NRXN3: variants seen among roughly 807,000 people sequenced by gnomAD.
NRXN3 encodes neurexin 3.
In NRXN3, 32 loss-of-function variants were observed where a neutral mutation model predicts 137.6. The observed-to-expected ratio is 0.23, with a 90% confidence interval of 0.18 to 0.31. NRXN3 has a LOEUF of 0.31. NRXN3 is among the 10% of genes least tolerant of loss of function. The probability of loss-of-function intolerance (pLI) is 1.00; values close to 1 mark genes in which losing one functional copy is unlikely to be tolerated. For missense variants in NRXN3, 1,574 were observed against 2,062.5 expected, an observed-to-expected ratio of 0.76 and a Z score of 4.59; for synonymous variants, 798 against 784.5, an observed-to-expected ratio of 1.02 and a Z score of -0.29.
chr14:79,850,801 G>A (rs1039470102), intron 20 of NRXN3, among the ~76,000 whole-genome samples: 2 of 152,118 alleles, frequency 1.3e-5, no homozygotes, highest in Non-Finnish European at 2.9e-5. Context: ...AGCAAGCAAT[G>A]TCATTTTGTA....
intron 11 of NRXN3, among the ~76,000 whole-genome samples, chr14:78,965,011 G>T (rs1255768793): frequency 6.6e-6 from 1 of 152,074 alleles, no homozygotes. Flanking sequence ...AGTCTCAAAG[G>T]ACAGCACAGA....
intron 4 of NRXN3, among the ~76,000 whole-genome samples, chr14:78,513,568 A>G (rs2096149160): frequency 6.6e-6 from 1 of 152,186 alleles, no homozygotes; most frequent in Non-Finnish European, 1.5e-5. Flanking sequence ...CATGCAGTCT[A>G]TTTTGGCAGA....
At chr14:78,730,964 CT>C (rs2098512448) in intron 8 of NRXN3, among the ~76,000 whole-genome samples, 1 of 152,158 alleles carries the variant, frequency 6.6e-6, no homozygotes, top group Non-Finnish European at 1.5e-5. Context: ...AGAATTATTT[CT>C]TTGTAAATTT....
chr14:78,720,080 A>AGAT (rs1372179919), intron 8 of NRXN3, among the ~76,000 whole-genome samples: 1 of 152,040 alleles, frequency 6.6e-6, no homozygotes, highest in East Asian at 1.9e-4. Flanking sequence ...TACATATACT[A>AGAT]GATGGTTATT....
chr14:79,359,228 A>G lies in NRXN3; in HGVS notation c.3263-107993A>G, dbSNP rs563999725. Among the ~76,000 whole-genome samples, 24 of 152,316 alleles carry G rather than the reference A, an allele frequency of 1.6e-4. 1 individual carries two copies. In the East Asian group the frequency reaches 4.4e-3, roughly 28 times the overall value. On this transcript the variant is annotated intron_variant, in intron 15 of 20. Coordinates refer to ENST00000335750, the MANE Select transcript of NRXN3 (RefSeq NM_001330195.2). ...TCATTAAGTTCTGATTGCTTTATAA[A>G]GAAATAAAGTCTTTTCCCATTGTTC...
At chr14:79,616,457 A>G (rs1363012884) in intron 16 of NRXN3, among the ~76,000 whole-genome samples, 1 of 152,168 alleles carries the variant, frequency 6.6e-6, no homozygotes, top group Non-Finnish European at 1.5e-5. Flanking sequence ...AAAGGGGTCA[A>G]TTAAGAAAAA....
chr14:79,437,273 A>T (rs751958538), intron 15 of NRXN3, among the ~76,000 whole-genome samples: 1 of 152,120 alleles, frequency 6.6e-6, no homozygotes, highest in African/African-American at 2.4e-5. Context: ...GATCTTTTGG[A>T]TAAATAGTGA....
At chr14:78,654,381 A>G (rs2097769761) in intron 6 of NRXN3, among the ~76,000 whole-genome samples, 1 of 152,178 alleles carries the variant, frequency 6.6e-6, no homozygotes, top group African/African-American at 2.4e-5. Flanking sequence ...AAACAAGGTG[A>G]TTTTATGTGT....
intron 4 of NRXN3, among the ~76,000 whole-genome samples, chr14:78,299,669 G>A (rs566028746): frequency 8.5e-5 from 13 of 152,264 alleles, no homozygotes; most frequent in Non-Finnish European, 1.9e-4. Flanking sequence ...CAGACACACT[G>A]ATGCAGCATG....
chr14:79,761,684 C>CA (rs10599873), intron 19 of NRXN3, among the ~76,000 whole-genome samples: 3,773 of 78,570 alleles, frequency 0.048, 381 homozygotes, highest in African/African-American at 0.16. Context: ...GACTCTGTCT[C>CA]AAAAAAAAAA....
chr14:78,539,869 G>A (rs2153818838), intron 4 of NRXN3, among the ~76,000 whole-genome samples: 1 of 152,332 alleles, frequency 6.6e-6, no homozygotes, highest in Non-Finnish European at 1.5e-5. Context: ...TATTTACCCA[G>A]TAGTCATTCA....
intron 15 of NRXN3, among the ~76,000 whole-genome samples, chr14:79,122,698 C>T (rs974201205): frequency 1.3e-5 from 2 of 152,124 alleles, no homozygotes; most frequent in Non-Finnish European, 2.9e-5. Flanking sequence ...GCTGTGTTTG[C>T]CCATTCATTT....
chr14:79,406,719 G>A (rs1386234819), intron 15 of NRXN3, among the ~76,000 whole-genome samples: 1 of 152,034 alleles, frequency 6.6e-6, no homozygotes, highest in Non-Finnish European at 1.5e-5. Flanking sequence ...CAATTAAGGA[G>A]AAAAAAATCA....
intron 4 of NRXN3, among the ~76,000 whole-genome samples, chr14:78,509,874 A>G (rs934432385): frequency 6.6e-6 from 1 of 152,098 alleles, no homozygotes; most frequent in Admixed American, 6.6e-5. Flanking sequence ...CTGAGTGACA[A>G]ATAACTTTGG....
chr14:78,832,610 A>G (rs550051259), intron 10 of NRXN3, among the ~76,000 whole-genome samples: 5 of 152,122 alleles, frequency 3.3e-5, no homozygotes, highest in Non-Finnish European at 7.4e-5. Context: ...GAGGAGGACA[A>G]GAGGGTTAAT....
At chr14:78,205,485 A>G (rs1566965862) in intron 1 of NRXN3, among the ~76,000 whole-genome samples, 1 of 152,224 alleles carries the variant, frequency 6.6e-6, no homozygotes, top group Non-Finnish European at 1.5e-5. Context: ...ATGAAAGAGC[A>G]TTATTTAACT....
chr14:78,578,575 C>A (rs1202633689), intron 4 of NRXN3, among the ~76,000 whole-genome samples: 2 of 152,154 alleles, frequency 1.3e-5, no homozygotes, highest in Non-Finnish European at 1.5e-5. Context: ...AAAACAAAAA[C>A]TTTTCCCCTG....
intron 15 of NRXN3, among the ~76,000 whole-genome samples, chr14:79,055,045 T>C (rs2099655041): frequency 6.6e-6 from 1 of 152,170 alleles, no homozygotes; most frequent in African/African-American, 2.4e-5. Flanking sequence ...GTATGTGGGA[T>C]TCCACTACCC....
At chr14:79,676,904 C>G (rs1381478245) in intron 17 of NRXN3, among the ~76,000 whole-genome samples, 1 of 151,950 alleles carries the variant, frequency 6.6e-6, no homozygotes, top group Non-Finnish European at 1.5e-5. Context: ...GAAAAGTGGT[C>G]ACAGTTTTCT....
Sources: allele counts gnomAD v4.1 joint callset (sites outside exome capture counted in the v4.1 genomes callset), GRCh38; gene constraint gnomAD v4.1.1; transcripts MANE v1.5; gene names NCBI Gene and HGNC (gene_info 2026-07-23, HGNC 2026-07-21).